Variants in SOCS2 observed in about 807,000 individuals in gnomAD.
SOCS2 encodes the protein CIS-2.
SOCS2 carries 10 observed loss-of-function variants against 18.6 expected under a neutral mutation model. The observed-to-expected ratio is 0.54, with a 90% CI of 0.33 to 0.91. The LOEUF (loss-of-function observed/expected upper bound fraction) is 0.91. Among genes scored for constraint, SOCS2 ranks in the 40% least tolerant of loss-of-function variants. SOCS2 has a pLI of 0.02. For synonymous variants in SOCS2, 104 were observed against 104.0 expected (o/e 1.00, Z 0.00); for missense variants, 231 against 247.2 (o/e 0.93, Z 0.44).
downstream of SOCS2, among the ~76,000 whole-genome samples, chr12:93,587,546 T>G (rs1954591978): frequency 6.6e-6 from 1 of 151,912 alleles, no homozygotes; most frequent in South Asian, 2.1e-4. Flanking sequence ...CCGGGCGTGG[T>G]GGCACGCGCC....
the SOCS2 span, among the ~76,000 whole-genome samples, chr12:93,614,350 A>C: frequency 6.7e-6 from 1 of 149,396 alleles, no homozygotes; most frequent in African/African-American, 2.5e-5. Flanking sequence ...TCCTTTGTAT[A>C]TAGCAATTTT....
the SOCS2 span, among the ~76,000 whole-genome samples, chr12:93,590,062 A>T: frequency 0.19 from 28,399 of 151,214 alleles, 2,822 homozygotes; most frequent in East Asian, 0.26. Flanking sequence ...GACCAGCCTG[A>T]CCAACACGAT....
At chr12:93,605,126 T>C in the SOCS2 span, among the ~76,000 whole-genome samples, 1 of 152,188 alleles carries the variant, frequency 6.6e-6, no homozygotes, top group African/African-American at 2.4e-5. Flanking sequence ...TTTAAAATTG[T>C]GTTTATAATG....
downstream of SOCS2, among the ~76,000 whole-genome samples, chr12:93,586,277 T>G (rs142519563): frequency 0.018 from 2,683 of 152,366 alleles, 45 homozygotes; most frequent in Non-Finnish European, 0.028. Flanking sequence ...AAATAAATTA[T>G]GTTCACATTC....
Position 93,573,044 on chromosome 12 carries a change from G to T in SOCS2, c.139+8G>T. ...GGGAGCTCGGTCAGACAGGTAGGGA[G>T]CCGATCGGCCGCGACGCGTGCGGGA... On this transcript the variant is annotated splice_region_variant and intron_variant, in intron 1 of 1. Coordinates refer to ENST00000551556, the MANE Select transcript of SOCS2 (RefSeq NM_001270471.2). The T allele has an allele frequency of 6.4e-7, 1 of 1,559,408 alleles. No homozygotes were observed. Among genetic ancestry groups the T allele is most frequent in the Non-Finnish European group, 8.6e-7 (1 of 1,157,906 alleles).
chr12:93,574,662 A>G (rs915689621), intron 1 of SOCS2, 60 bp from the exon 2 acceptor site: 6 of 1,258,466 alleles, frequency 4.8e-6, no homozygotes, highest in Admixed American at 5.1e-5. Context: ...CTCTGTTCTA[A>G]GAATTCTTAT....
the SOCS2 span, among the ~76,000 whole-genome samples, chr12:93,621,017 G>A: frequency 5.3e-5 from 8 of 152,136 alleles, no homozygotes; most frequent in Non-Finnish European, 1.5e-5. Context: ...AGTCATGATG[G>A]GAGGTTGGTG....
At chr12:93,598,810 G>A in the SOCS2 span, among the ~76,000 whole-genome samples, 2 of 152,128 alleles carry the variant, frequency 1.3e-5, no homozygotes, top group South Asian at 2.1e-4. Flanking sequence ...TACATAGAGA[G>A]GTTTGTGGAT....
At position 93,575,041 on chromosome 12, in the gene SOCS2, C is replaced by A. The variant is rs779787720; in HGVS notation, c.459C>A (p.Thr153=). The change falls in exon 2 of 2, where the codon ACC becomes ACA. Residue 153 remains threonine, a synonymous_variant. Transcript: ENST00000551556. ...PRNGTVHLYL[T]KPLYTSAPSL... Reference sequence around the variant, plus strand: ...ACGGCACTGTTCACCTTTATCTGACCAAACCGCTCTACACGTCAGCACCAT... The same window carrying A: ...ACGGCACTGTTCACCTTTATCTGACAAAACCGCTCTACACGTCAGCACCAT... The A allele has an allele frequency of 3.7e-6, 6 of 1,614,010 alleles. No individual in the cohort carries two copies. Among genetic ancestry groups the A allele is most frequent in the Non-Finnish European group, 5.1e-6 (6 of 1,179,974 alleles).
At chr12:93,581,007 CATTTT>C (rs1344751183), downstream of SOCS2, among the ~76,000 whole-genome samples, 2 of 152,334 alleles carry the variant, frequency 1.3e-5, no homozygotes, top group African/African-American at 4.8e-5. Context: ...TCTGTTCTCT[CATTTT>C]ATTTTCCTTG....
the SOCS2 span, among the ~76,000 whole-genome samples, chr12:93,615,107 C>G: frequency 6.6e-6 from 1 of 152,138 alleles, no homozygotes; most frequent in Non-Finnish European, 1.5e-5. Flanking sequence ...ACCCTCTCCC[C>G]CACTGGGATA....
chr12:93,597,423 C>A, the SOCS2 span, among the ~76,000 whole-genome samples: 1 of 152,064 alleles, frequency 6.6e-6, no homozygotes, highest in Non-Finnish European at 1.5e-5. Context: ...TCAAGCAATT[C>A]TCCTGCCTCA....
chr12:93,572,451 CCCT>C, upstream of SOCS2: 2 of 359,090 alleles, frequency 5.6e-6, no homozygotes, highest in South Asian at 4.4e-5. The surrounding 1 kb of genome is among the most constrained non-coding windows in gnomAD (Gnocchi z 5.0). Context: ...ACCCTGTTCA[CCCT>C]CCTCCTGACC....
the SOCS2 span, among the ~76,000 whole-genome samples, chr12:93,591,265 A>C: frequency 7.2e-6 from 1 of 139,572 alleles, no homozygotes; most frequent in South Asian, 2.2e-4. Context: ...ACGAACAAAC[A>C]AAAAAAAAAA....
rs1802151 is a variant in SOCS2, at chr12:93,575,443, G to T, written c.*264G>T. ...TTAGATTAAAAATAAAATGTCGCAT[G>T]TAAAGGCTGAAGTCGCGTTTTATCA... On this transcript the variant is annotated 3_prime_UTR_variant, in exon 2 of 2. Transcript: ENST00000551556. 3.1e-4 allele frequency: 66 copies of T among 210,022 alleles called. No homozygotes were observed. Among genetic ancestry groups the T allele is most frequent in the Non-Finnish European group, 5.8e-4 (61 of 104,570 alleles). 13.0% of individuals were successfully genotyped at this position (210,022 alleles called of 1,614,324 possible).
chr12:93,615,100 C>T, the SOCS2 span, among the ~76,000 whole-genome samples: 2 of 152,120 alleles, frequency 1.3e-5, no homozygotes, highest in African/African-American at 4.8e-5. Flanking sequence ...TGCCTTAACC[C>T]TCTCCCCCAC....
At chr12:93,625,869 C>T in the SOCS2 span, among the ~76,000 whole-genome samples, 1 of 151,912 alleles carries the variant, frequency 6.6e-6, no homozygotes, top group African/African-American at 2.4e-5. Context: ...TTCAGTTGCT[C>T]TGCGTCAGAA....
the SOCS2 span, among the ~76,000 whole-genome samples, chr12:93,623,323 C>A: frequency 6.6e-6 from 1 of 152,210 alleles, no homozygotes; most frequent in Non-Finnish European, 1.5e-5. Context: ...TTTCCTGAGG[C>A]CTCCCTAGCC....
chr12:93,580,815 C>T (rs1954530371), downstream of SOCS2, among the ~76,000 whole-genome samples: 1 of 151,954 alleles, frequency 6.6e-6, no homozygotes, highest in South Asian at 2.1e-4. Flanking sequence ...TGTATTTGGT[C>T]AGAAAGTGTC....
Sources: gnomAD v4.1 joint callset for allele counts (sites outside exome capture counted in the v4.1 genomes callset) on GRCh38, gnomAD v4.1.1 for gene constraint, Gnocchi (gnomAD v3.1) non-coding constraint, MANE v1.5 for transcripts, NCBI Gene and HGNC (gene_info 2026-07-23, HGNC 2026-07-21) for gene names.